The following PTPRM variants were observed in gnomAD, a reference collection of about 807,000 sequenced individuals.
The protein encoded by PTPRM is receptor-type tyrosine-protein phosphatase mu.
A neutral mutation model predicts 186.7 loss-of-function variants in PTPRM; 47 were observed. The observed-to-expected ratio is 0.25, with a 90% CI of 0.20 to 0.32. PTPRM has a LOEUF of 0.32. Ranked by LOEUF, PTPRM falls within the 10% of genes least tolerant of loss-of-function variation. The pLI, the probability that PTPRM is intolerant of heterozygous loss-of-function variation, is 1.00. For synonymous variants in PTPRM, 668 were observed against 674.9 expected (o/e 0.99, Z 0.16); for missense variants, 1,494 against 1,865.0 (o/e 0.80, Z 3.66).
At chr18:8,272,661 T>C (rs1281371302) in intron 19 of PTPRM, among the ~76,000 whole-genome samples, 2 of 152,194 alleles carry the variant, frequency 1.3e-5, no homozygotes, top group Non-Finnish European at 2.9e-5. Flanking sequence ...TTGCATTATA[T>C]ACAATCAGAA....
intron 9 of PTPRM, among the ~76,000 whole-genome samples, chr18:8,079,569 A>C (rs1343797577): frequency 2.0e-5 from 3 of 152,164 alleles, no homozygotes; most frequent in African/African-American, 7.2e-5. Context: ...GCAGTTTAAT[A>C]AATATTATCA....
chr18:8,401,394 T>C (rs1173524987), intron 32 of PTPRM, among the ~76,000 whole-genome samples: 1 of 152,198 alleles, frequency 6.6e-6, no homozygotes, highest in Admixed American at 6.5e-5. Flanking sequence ...TTTATTGGTC[T>C]CCTTGGCACA....
At chr18:7,570,223 G>A (rs753683049) in intron 1 of PTPRM, among the ~76,000 whole-genome samples, 1 of 152,226 alleles carries the variant, frequency 6.6e-6, no homozygotes, top group Non-Finnish European at 1.5e-5. Flanking sequence ...TTGCGTTTAG[G>A]TAGTACAGGT....
chr18:7,944,611 A>G (rs1387428475), intron 5 of PTPRM, among the ~76,000 whole-genome samples: 1 of 152,152 alleles, frequency 6.6e-6, no homozygotes, highest in Non-Finnish European at 1.5e-5. Context: ...TTCTTGCCAT[A>G]TGGGATAAGT....
At chr18:7,652,101 C>T (rs879758225) in intron 1 of PTPRM, among the ~76,000 whole-genome samples, 71 of 152,154 alleles carry the variant, frequency 4.7e-4, no homozygotes, top group Non-Finnish European at 7.5e-4. Flanking sequence ...AGGACATGGA[C>T]ACACTCTTCT....
At chr18:8,379,506 C>T (rs1026959474) in intron 28 of PTPRM, among the ~76,000 whole-genome samples, 166 bp downstream of exon 28, 10 of 152,094 alleles carry the variant, frequency 6.6e-5, no homozygotes, top group African/African-American at 2.2e-4. Context: ...GTTTTTGTGT[C>T]GGGGCTGATA....
At chr18:8,056,988 C>A (rs1251258664) in intron 7 of PTPRM, among the ~76,000 whole-genome samples, 1 of 151,754 alleles carries the variant, frequency 6.6e-6, no homozygotes, top group African/African-American at 2.4e-5. Flanking sequence ...GATAAGTAAA[C>A]TGTATTTTAT....
intron 7 of PTPRM, among the ~76,000 whole-genome samples, chr18:7,960,733 C>T (rs2053622595): frequency 6.6e-6 from 1 of 151,600 alleles, no homozygotes; most frequent in Non-Finnish European, 1.5e-5. Flanking sequence ...ACTCCATCAT[C>T]GACAGAGTAA....
Position 8,120,959 on chromosome 18 carries a change from G to A in PTPRM, c.2167+6132G>A, listed in dbSNP as rs79993022. Among the ~76,000 whole-genome samples, 680 of 152,262 alleles carry A rather than the reference G, an allele frequency of 4.5e-3. 17 individuals carry two copies. The highest frequency in any genetic ancestry group is 0.014 in the East Asian group (72 of 5,182). On this transcript the variant is annotated intron_variant, in intron 13 of 32. Coordinates refer to ENST00000580170, the MANE Select transcript of PTPRM (RefSeq NM_001105244.2). ...AAAACTTGGAATTGGTACCAACTTT[G>A]TAACCATCTTAGAAATAACATTTTA...
At chr18:8,360,394 A>G (rs949179175) in intron 23 of PTPRM, among the ~76,000 whole-genome samples, 5 of 113,724 alleles carry the variant, frequency 4.4e-5, no homozygotes, top group Non-Finnish European at 1.9e-5. Flanking sequence ...CGTGAAATCT[A>G]TGCAAAAAAA....
chr18:7,690,829 A>G (rs2039715859), intron 1 of PTPRM, among the ~76,000 whole-genome samples: 2 of 152,230 alleles, frequency 1.3e-5, no homozygotes, highest in South Asian at 4.1e-4. Context: ...TATCAGAAAT[A>G]AAGAGTTAGT....
chr18:8,335,317 T>C (rs1234260350), intron 22 of PTPRM, among the ~76,000 whole-genome samples: 3 of 148,966 alleles, frequency 2.0e-5, no homozygotes, highest in Non-Finnish European at 4.4e-5. Flanking sequence ...ACAATGCTAG[T>C]CCTGCTACTG....
At chr18:8,394,412 A>C in intron 31 of PTPRM, 64 bp from the exon 32 acceptor site, 5 of 1,504,126 alleles carry the variant, frequency 3.3e-6, no homozygotes, top group Non-Finnish European at 4.5e-6. Context: ...TTGTTTCCAC[A>C]GGTGTTTGCA....
chr18:8,272,751 A>T (rs916143065), intron 19 of PTPRM, among the ~76,000 whole-genome samples: 1 of 152,124 alleles, frequency 6.6e-6, no homozygotes, highest in African/African-American at 2.4e-5. Flanking sequence ...CTTAAAAACA[A>T]TGTTGAGCAC....
intron 5 of PTPRM, among the ~76,000 whole-genome samples, chr18:7,935,033 T>C (rs2051717270): frequency 6.6e-6 from 1 of 151,120 alleles, no homozygotes; most frequent in African/African-American, 2.5e-5. Flanking sequence ...CATTTGTTGA[T>C]TATAAGGAAA....
intron 14 of PTPRM, among the ~76,000 whole-genome samples, chr18:8,210,375 G>C (rs915513989): frequency 1.3e-5 from 2 of 152,118 alleles, no homozygotes; most frequent in African/African-American, 2.4e-5. Flanking sequence ...GAGACACGGG[G>C]AGAAGGCTGC....
intron 32 of PTPRM, chr18:8,402,972 G>A (rs2095880131): frequency 6.6e-6 from 1 of 152,318 alleles, no homozygotes; most frequent in Non-Finnish European, 1.5e-5. Context: ...CTTCTCAAAT[G>A]TCATCAGACT....
chr18:8,072,195 A>G (rs2089522962), intron 8 of PTPRM, among the ~76,000 whole-genome samples: 1 of 152,224 alleles, frequency 6.6e-6, no homozygotes, highest in African/African-American at 2.4e-5. Context: ...AGTATTGTTG[A>G]TAAGCATTTA....
At chr18:8,011,270 C>T (rs7241732) in intron 7 of PTPRM, among the ~76,000 whole-genome samples, 11,920 of 152,078 alleles carry the variant, frequency 0.078, 558 homozygotes, top group Middle Eastern at 0.28. Flanking sequence ...AGTGGAAAAC[C>T]GCAGCTGAAA....
Sources: allele counts gnomAD v4.1 joint callset (sites outside exome capture counted in the v4.1 genomes callset), GRCh38; gene constraint gnomAD v4.1.1; transcripts MANE v1.5; gene names NCBI Gene and HGNC (gene_info 2026-07-23, HGNC 2026-07-21).